The following EZR variants were observed in gnomAD, a reference collection of about 807,000 sequenced individuals.
EZR encodes ezrin, also known as cytovillin 2.
Under a neutral mutation model 74.8 loss-of-function variants are expected in EZR, and 40 were observed. The ratio of observed to expected loss-of-function variants is 0.53; its 90% CI spans 0.42 to 0.70. EZR has a LOEUF of 0.70. EZR is among the 30% of genes least tolerant of loss of function. The pLI is 0.00. For missense variants in EZR, 678 were observed against 755.8 expected (o/e 0.90, Z 1.21); for synonymous variants, 341 against 283.3 (o/e 1.20, Z -2.05).
chr6:158,787,202 A>G lies in EZR; in HGVS notation c.98T>C (p.Val33Ala). The change falls in exon 4 of 14, where the codon GTG (valine) becomes GCG (alanine). Residue 33 changes from valine to alanine, a missense_variant and splice_region_variant. This residue lies in a region of EZR where 217 missense variants were observed against 232.2 expected (regional missense o/e 0.93). Coordinates refer to ENST00000367075, the MANE Select transcript of EZR (RefSeq NM_001111077.2). ...TTCCCGGAGGCCGATAGTCTTTACCACCTGCGTGAGAGAGAGAGAGGCTCA... is the reference window on the plus strand; with the variant it reads ...TTCCCGGAGGCCGATAGTCTTTACCGCCTGCGTGAGAGAGAGAGAGGCTCA... ...NTTGKQLFDQ[V>A]VKTIGLREVW... The G allele has an allele frequency of 6.2e-7, 1 of 1,612,242 alleles. No homozygotes were observed. Among genetic ancestry groups the G allele is most frequent in the Non-Finnish European group, 8.5e-7 (1 of 1,178,500 alleles).
chr6:158,774,974 T>G lies in EZR; in HGVS notation c.795+1434A>C, dbSNP rs1029722944. On this transcript the variant is annotated intron_variant, in intron 8 of 13. Transcript: ENST00000367075. The stretch of plus-strand genomic sequence containing the variant: ...GTCTGCATTCAATACGCGTTTAATT[T>G]TAAATAACCGTGCAACTACCCACAG... 4.6e-5 allele frequency among the ~76,000 whole-genome samples: 7 copies of G among 151,560 alleles called. No homozygotes were observed. In the South Asian group the frequency reaches 1.5e-3, roughly 31 times the overall value.
At chr6:158,815,214 T>A (rs1777529407) in intron 2 of EZR, among the ~76,000 whole-genome samples, 1 of 152,164 alleles carries the variant, frequency 6.6e-6, no homozygotes, top group East Asian at 1.9e-4. Context: ...ATTTTAACAT[T>A]TACTAAGGCA....
intron 10 of EZR, among the ~76,000 whole-genome samples, chr6:158,770,451 G>C (rs536263986): frequency 3.9e-5 from 6 of 152,174 alleles, no homozygotes; most frequent in Admixed American, 6.5e-5. Context: ...GTCATGGGCT[G>C]GGGGACTGTG....
chr6:158,781,700 C>T (rs139232008), intron 7 of EZR, among the ~76,000 whole-genome samples: 1 of 152,106 alleles, frequency 6.6e-6, no homozygotes, highest in Non-Finnish European at 1.5e-5. Context: ...TTAATAGCCA[C>T]GGCTTCAGCT....
intron 2 of EZR, among the ~76,000 whole-genome samples, chr6:158,807,578 C>T (rs1777370813): frequency 6.6e-6 from 1 of 152,082 alleles, no homozygotes; most frequent in Non-Finnish European, 1.5e-5. Flanking sequence ...ACCAGAAAAC[C>T]AACAAAAACA....
chr6:158,766,943 G>C lies in EZR; in HGVS notation c.1732C>G (p.Gln578Glu). The C allele has an allele frequency of 6.2e-7, 1 of 1,614,180 alleles. No individual in the cohort carries two copies. ...LRQIRQGNTKQRIDEFEAL is the reference protein window; with the variant it reads ...LRQIRQGNTKERIDEFEAL Reference sequence around the variant, plus strand: ...AGGGCCTCGAACTCGTCGATGCGCTGCTTGGTGTTGCCCTGCCGGATCTGC... The same window carrying C: ...AGGGCCTCGAACTCGTCGATGCGCTCCTTGGTGTTGCCCTGCCGGATCTGC... Residue 578 changes from glutamine to glutamate, a missense_variant, in exon 14 of 14, where the codon CAG becomes GAG. Gln to Glu is a conservative substitution (Grantham distance 29). This residue lies in a region of EZR where 342 missense variants were observed against 341.2 expected (regional missense o/e 1.00). Transcript: ENST00000367075.
chr6:158,815,347 A>G (rs751135378), intron 2 of EZR, among the ~76,000 whole-genome samples: 17 of 152,326 alleles, frequency 1.1e-4, no homozygotes, highest in South Asian at 2.1e-4. Flanking sequence ...TGGCTCTAAT[A>G]TAATTTACAC....
chr6:158,802,085 G>A (rs1777198218), intron 2 of EZR, among the ~76,000 whole-genome samples: 2 of 152,166 alleles, frequency 1.3e-5, no homozygotes, highest in Admixed American at 1.3e-4. Context: ...ACAACGTAGT[G>A]CCCTTTAGAT....
intron 2 of EZR, among the ~76,000 whole-genome samples, chr6:158,801,313 C>T (rs1777182220): frequency 6.6e-6 from 1 of 152,154 alleles, no homozygotes; most frequent in South Asian, 2.1e-4. Context: ...CGGGGTTTCA[C>T]CATGTTGCCA....
chr6:158,770,347 GGTT>G (rs1791063747), intron 10 of EZR, among the ~76,000 whole-genome samples: 2 of 152,252 alleles, frequency 1.3e-5, no homozygotes, highest in African/African-American at 4.8e-5. Flanking sequence ...CAGCTGCTGG[GGTT>G]GTTGACTGGA....
At chr6:158,810,611 G>A (rs1295026757) in intron 2 of EZR, among the ~76,000 whole-genome samples, 1 of 152,178 alleles carries the variant, frequency 6.6e-6, no homozygotes, top group Non-Finnish European at 1.5e-5. Flanking sequence ...AGAACACACA[G>A]AGAGAGGATG....
intron 2 of EZR, 155 bp downstream of exon 2, chr6:158,817,927 A>G (rs2128578655): frequency 1.7e-6 from 1 of 578,648 alleles, no homozygotes; most frequent in African/African-American, 1.9e-5. Flanking sequence ...GTCAACAAGT[A>G]ACAAAGAGCG....
chr6:158,766,787 G>T lies in EZR; in HGVS notation c.*127C>A, dbSNP rs756400625. On this transcript the variant is annotated 3_prime_UTR_variant, in exon 14 of 14. Coordinates refer to ENST00000367075, the MANE Select transcript of EZR (RefSeq NM_001111077.2). ...TCCCAGCCCAGAATGTTTCTGTTGG[G>T]TAACTGCTTTCTAAAGGAACTGGGA... 2.0e-6 allele frequency: 2 copies of T among 976,534 alleles called. No individual in the cohort carries two copies. The highest frequency in any genetic ancestry group is 3.1e-6 in the Non-Finnish European group (2 of 649,356). 60.5% of individuals were successfully genotyped at this position (976,534 alleles called of 1,614,324 possible). A position where few individuals can be genotyped will look rare whatever the true frequency, so the allele number is the denominator to read the frequency against.
At chr6:158,769,712 A>T (rs2128564624) in intron 11 of EZR, 72 bp downstream of exon 11, 1 of 1,562,400 alleles carries the variant, frequency 6.4e-7, no homozygotes, top group Admixed American at 1.7e-5. Flanking sequence ...ATTACAAGGC[A>T]GGTGTCACAT....
chr6:158,783,410 A>T (rs1791483498), intron 7 of EZR, 110 bp downstream of exon 7: 1 of 727,406 alleles, frequency 1.4e-6, no homozygotes, highest in East Asian at 2.5e-5. Context: ...ACTTTGGGAT[A>T]GTAAGTTGCT....
At chr6:158,799,649 G>A (rs756123537) in intron 2 of EZR, among the ~76,000 whole-genome samples, 5 of 152,230 alleles carry the variant, frequency 3.3e-5, no homozygotes, top group African/African-American at 7.2e-5. Flanking sequence ...GACATTGGTC[G>A]TTTTCCACAA....
chr6:158,782,529 A>G (rs1414949580), intron 7 of EZR, among the ~76,000 whole-genome samples: 1 of 152,182 alleles, frequency 6.6e-6, no homozygotes, highest in Non-Finnish European at 1.5e-5. Flanking sequence ...ACTCTGGGCC[A>G]CTCTGCTCTT....
rs1777434333 is a variant in EZR, at chr6:158,810,637, CAG to C, written c.12+7443_12+7444del. On this transcript the variant is annotated intron_variant, in intron 2 of 13. Coordinates refer to ENST00000367075, the MANE Select transcript of EZR (RefSeq NM_001111077.2). ...AGAGAGGATGGACATGAGACAAAAT[CAG>C]AGTCCTCCCTTTTACTAAGATAACC... is the stretch of plus-strand genomic sequence containing the variant. 4.6e-5 allele frequency among the ~76,000 whole-genome samples: 7 copies of C among 152,192 alleles called. 1 individual carries two copies. The South Asian group carries it at 1.4e-3, about 31-fold the overall frequency.
At chr6:158,816,535 G>C (rs1777559341) in intron 2 of EZR, among the ~76,000 whole-genome samples, 1 of 152,180 alleles carries the variant, frequency 6.6e-6, no homozygotes, top group Non-Finnish European at 1.5e-5. Context: ...ACTCAGCTCT[G>C]CCTGAGTAAG....
Sources: allele counts gnomAD v4.1 joint callset (sites outside exome capture counted in the v4.1 genomes callset), GRCh38; gene constraint gnomAD v4.1.1; regional missense constraint gnomAD v4.1.1; transcripts MANE v1.5; gene names NCBI Gene and HGNC (gene_info 2026-07-23, HGNC 2026-07-21).